The following FTO variants were observed in gnomAD, a reference collection of about 807,000 sequenced individuals.
FTO encodes alpha-ketoglutarate-dependent dioxygenase FTO.
In FTO, 47 loss-of-function variants were observed where a neutral mutation model predicts 63.9. That is an observed-to-expected ratio of 0.74 (90% CI 0.58 to 0.94). FTO has a LOEUF of 0.94. Ranked by LOEUF, FTO falls within the 40% of genes least tolerant of loss-of-function variation. FTO has a pLI of 0.00. For synonymous variants in FTO, 207 were observed against 224.4 expected (o/e 0.92, Z 0.69); for missense variants, 562 against 618.1 (o/e 0.91, Z 0.96).
intron 8 of FTO, chr16:54,039,926 G>A (rs1238751048): frequency 6.6e-6 from 1 of 152,154 alleles, no homozygotes; most frequent in African/African-American, 2.4e-5. Context: ...AGTCCTCAGT[G>A]TACAGAATTG....
intron 4 of FTO, among the ~76,000 whole-genome samples, chr16:53,848,354 A>C (rs948553912): frequency 6.6e-6 from 1 of 152,290 alleles, no homozygotes; most frequent in Admixed American, 6.5e-5. Context: ...CTGCTGTCTC[A>C]AGTAAATACT....
chr16:54,037,803 A>G (rs761569772), intron 8 of FTO, among the ~76,000 whole-genome samples: 1 of 152,224 alleles, frequency 6.6e-6, no homozygotes, highest in Non-Finnish European at 1.5e-5. Flanking sequence ...ATGAATGCTT[A>G]TATATAGTCA....
At chr16:53,837,294 G>A (rs1029223325) in intron 3 of FTO, among the ~76,000 whole-genome samples, 1 of 152,134 alleles carries the variant, frequency 6.6e-6, no homozygotes, top group Non-Finnish European at 1.5e-5. Flanking sequence ...TTCCCCAAAT[G>A]CTTAATCTGA....
At chr16:54,041,798 C>T (rs1187736418) in intron 8 of FTO, among the ~76,000 whole-genome samples, 4 of 152,182 alleles carry the variant, frequency 2.6e-5, no homozygotes, top group Non-Finnish European at 4.4e-5. Context: ...AATTGTTGTG[C>T]ACGCTGGCTC....
chr16:54,046,928 A>T (rs202056686), intron 8 of FTO, among the ~76,000 whole-genome samples: 2,278 of 82,520 alleles, frequency 0.028, 42 homozygotes, highest in East Asian at 0.08. Context: ...CTGAAACTGG[A>T]TCCCTTCCTT....
chr16:53,798,495 A>G (rs2078137709), intron 1 of FTO, among the ~76,000 whole-genome samples: 1 of 152,116 alleles, frequency 6.6e-6, no homozygotes, highest in Non-Finnish European at 1.5e-5. Flanking sequence ...CCTTTTGTCC[A>G]GTTTATCTCT....
At chr16:54,004,481 C>T (rs188497694) in intron 8 of FTO, among the ~76,000 whole-genome samples, 2 of 152,040 alleles carry the variant, frequency 1.3e-5, no homozygotes, top group Admixed American at 1.3e-4. Flanking sequence ...TTGGATTAGT[C>T]AGTGGAAAAA....
At chr16:53,828,027 G>GT (rs1395444079) in intron 3 of FTO, among the ~76,000 whole-genome samples, 1 of 152,182 alleles carries the variant, frequency 6.6e-6, no homozygotes, top group East Asian at 1.9e-4. Context: ...TGATCAAGTA[G>GT]TTTTTGAAAC....
At chr16:53,727,018 A>G (rs1338936805) in intron 1 of FTO, among the ~76,000 whole-genome samples, 1 of 152,232 alleles carries the variant, frequency 6.6e-6, no homozygotes, top group Non-Finnish European at 1.5e-5. Context: ...AGAGTGCTGA[A>G]TATATCTTCA....
intron 8 of FTO, among the ~76,000 whole-genome samples, chr16:54,024,562 G>T (rs2084674374): frequency 6.6e-6 from 1 of 152,062 alleles, no homozygotes; most frequent in African/African-American, 2.4e-5. Flanking sequence ...ATTGCCACCA[G>T]CGATAGAGAA....
At chr16:53,992,716 T>C (rs1470525980) in intron 8 of FTO, 1 of 152,146 alleles carries the variant, frequency 6.6e-6, no homozygotes, top group Non-Finnish European at 1.5e-5. Flanking sequence ...TCCCCACTCA[T>C]GTTGAACTTG....
intron 1 of FTO, among the ~76,000 whole-genome samples, chr16:53,739,294 C>G (rs546462009): frequency 3.3e-5 from 5 of 152,070 alleles, no homozygotes; most frequent in Non-Finnish European, 5.9e-5. Context: ...CAAGCTCTGC[C>G]TCCTGGGTTC....
chr16:53,894,056 C>T (rs1221889686), intron 7 of FTO, among the ~76,000 whole-genome samples: 1 of 152,114 alleles, frequency 6.6e-6, no homozygotes, highest in African/African-American at 2.4e-5. Flanking sequence ...AAATTTGGCA[C>T]AGGAGAGCAG....
At chr16:54,004,603 G>C (rs577179141) in intron 8 of FTO, among the ~76,000 whole-genome samples, 1 of 152,040 alleles carries the variant, frequency 6.6e-6, no homozygotes, top group African/African-American at 2.4e-5. Context: ...GCTAGGGACC[G>C]CATGCCATTT....
chr16:53,832,247 C>T (rs532705917), intron 3 of FTO, among the ~76,000 whole-genome samples: 58 of 152,182 alleles, frequency 3.8e-4, no homozygotes, highest in African/African-American at 6.7e-4. Flanking sequence ...TGGCTTTATT[C>T]GGGAATAACT....
intron 3 of FTO, among the ~76,000 whole-genome samples, chr16:53,842,055 C>A (rs1484182559): frequency 6.6e-6 from 1 of 152,140 alleles, no homozygotes; most frequent in Non-Finnish European, 1.5e-5. Context: ...TTAACATTTT[C>A]TTTCCCTGCC....
intron 8 of FTO, among the ~76,000 whole-genome samples, chr16:54,035,709 G>A (rs2084928961): frequency 1.3e-5 from 2 of 152,130 alleles, no homozygotes; most frequent in Non-Finnish European, 2.9e-5. Flanking sequence ...CCACTTACGG[G>A]AAACCTTGGG....
intron 8 of FTO, among the ~76,000 whole-genome samples, chr16:53,989,941 C>G (rs2083765746): frequency 2.0e-5 from 3 of 152,032 alleles, no homozygotes; most frequent in Admixed American, 2.0e-4. Context: ...TACATTTTCT[C>G]TTCTTCGTGA....
chr16:53,985,723 ACT>A (rs2083651403), intron 8 of FTO, among the ~76,000 whole-genome samples: 1 of 152,074 alleles, frequency 6.6e-6, no homozygotes, highest in South Asian at 2.1e-4. Context: ...TCCACCTCTG[ACT>A]CTTAGTCTTT....
Sources: allele counts gnomAD v4.1 joint callset (sites outside exome capture counted in the v4.1 genomes callset), GRCh38; gene constraint gnomAD v4.1.1; transcripts MANE v1.5; gene names NCBI Gene and HGNC (gene_info 2026-07-23, HGNC 2026-07-21).